Variants in ARID1B observed in about 807,000 individuals in gnomAD.
The protein encoded by ARID1B is AT-rich interactive domain-containing protein 1B.
Under a neutral mutation model 212.3 loss-of-function variants are expected in ARID1B, and 30 were observed. The ratio of observed to expected loss-of-function variants is 0.14; its 90% CI spans 0.11 to 0.19. ARID1B has a LOEUF of 0.19. ARID1B is among the 10% of genes least tolerant of loss of function. The pLI is 1.00. For synonymous variants in ARID1B, 1,402 were observed against 1,301.7 expected, an observed-to-expected ratio of 1.08 and a Z score of -1.66; for missense variants, 2,891 against 3,204.0, an observed-to-expected ratio of 0.90 and a Z score of 2.36.
In ARID1B at chr6:156,855,699, TTG is replaced by T. The variant is rs1301031110; in HGVS notation, c.1986+26288_1986+26289del. 2.0e-5 allele frequency among the ~76,000 whole-genome samples: 3 copies of T among 152,224 alleles called. No homozygotes were observed. In the East Asian group the frequency reaches 5.8e-4, roughly 29 times the overall value. ...TCATCATTTTGAATGGAGCCCTAAA[TTG>T]TGTGTGTGTTTCTCTGTCTTTGTGT... is the stretch of plus-strand genomic sequence containing the variant. On this transcript the variant is annotated intron_variant, in intron 2 of 19. Coordinates refer to ENST00000636930, the MANE Select transcript of ARID1B (RefSeq NM_001374828.1).
intron 2 of ARID1B, among the ~76,000 whole-genome samples, chr6:156,898,162 G>A (rs1788636444): frequency 6.6e-6 from 1 of 152,174 alleles, no homozygotes; most frequent in Non-Finnish European, 1.5e-5. Flanking sequence ...AGCAACTGCT[G>A]ACTAGCGCTC....
chr6:157,110,287 T>C (rs922560022), intron 5 of ARID1B, among the ~76,000 whole-genome samples, 185 bp from the exon 6 acceptor site: 2 of 152,250 alleles, frequency 1.3e-5, no homozygotes, highest in East Asian at 3.8e-4. Context: ...AATATGTTTA[T>C]TCATGTTTCC....
intron 4 of ARID1B, among the ~76,000 whole-genome samples, chr6:157,014,623 T>C (rs749309060): frequency 4.6e-5 from 7 of 152,190 alleles, no homozygotes; most frequent in Non-Finnish European, 8.8e-5. Flanking sequence ...TACTAGGCTT[T>C]ATAGATGTAT....
At chr6:157,043,685 T>G (rs1440259163) in intron 4 of ARID1B, among the ~76,000 whole-genome samples, 4 of 152,244 alleles carry the variant, frequency 2.6e-5, no homozygotes, top group Admixed American at 2.6e-4. Flanking sequence ...TGTGTTCTTC[T>G]GTATTCTGGG....
intron 6 of ARID1B, among the ~76,000 whole-genome samples, chr6:157,116,377 C>G (rs1787321470): frequency 6.6e-6 from 1 of 151,296 alleles, no homozygotes; most frequent in African/African-American, 2.4e-5. Context: ...TTTAATTTCA[C>G]AGTGGTGTCT....
chr6:157,043,094 T>C lies in ARID1B; in HGVS notation c.2248-41568T>C, dbSNP rs565626517. Among the ~76,000 whole-genome samples the C allele has an allele frequency of 1.4e-4, 22 of 152,358 alleles. No homozygotes were observed. In the South Asian group the frequency reaches 4.4e-3, roughly 30 times the overall value. ...GATGTTAAAGTAAATCCTACACTTG[T>C]ATTACTTTTTACCTGTATTTTGGTT... is the stretch of plus-strand genomic sequence containing the variant. On this transcript the variant is annotated intron_variant, in intron 4 of 19. Coordinates refer to ENST00000636930, the MANE Select transcript of ARID1B (RefSeq NM_001374828.1).
At chr6:156,821,106 A>G (rs1395576075) in intron 1 of ARID1B, among the ~76,000 whole-genome samples, 1 of 152,234 alleles carries the variant, frequency 6.6e-6, no homozygotes, top group Non-Finnish European at 1.5e-5. Flanking sequence ...GATCCAAATC[A>G]AGATTTGAAA....
At chr6:156,812,514 GTTTC>G (rs1466035043) in intron 1 of ARID1B, among the ~76,000 whole-genome samples, 1 of 151,938 alleles carries the variant, frequency 6.6e-6, no homozygotes, top group Non-Finnish European at 1.5e-5. Flanking sequence ...TACATCTTTT[GTTTC>G]TTCTGTTTCT....
At chr6:157,095,149 T>G (rs1471122191) in intron 5 of ARID1B, among the ~76,000 whole-genome samples, 1 of 152,168 alleles carries the variant, frequency 6.6e-6, no homozygotes, top group African/African-American at 2.4e-5. Context: ...TCAGTAGTTG[T>G]GGGGTGGAGC....
At chr6:157,143,906 A>T (rs183706615) in intron 7 of ARID1B, among the ~76,000 whole-genome samples, 4 of 152,278 alleles carry the variant, frequency 2.6e-5, no homozygotes, top group African/African-American at 9.6e-5. Context: ...GAATCAACCC[A>T]ACTGATTGGA....
intron 2 of ARID1B, among the ~76,000 whole-genome samples, chr6:156,890,035 A>C (rs1452724162): frequency 6.6e-6 from 1 of 152,232 alleles, no homozygotes; most frequent in African/African-American, 2.4e-5. Context: ...AAATTAATTT[A>C]AGAAGTGTAT....
Position 156,859,617 on chromosome 6 carries a change from A to G in ARID1B, c.1986+30196A>G, listed in dbSNP as rs141643867. Among the ~76,000 whole-genome samples, 53 of 152,366 alleles carry G rather than the reference A, an allele frequency of 3.5e-4. No individual in the cohort carries two copies. The East Asian group carries it at 5.8e-3, about 17-fold the overall frequency. On this transcript the variant is annotated intron_variant, in intron 2 of 19. Coordinates refer to ENST00000636930, the MANE Select transcript of ARID1B (RefSeq NM_001374828.1). ...AGTTGAATTATTTTATAATTTATACACCAGCCTTTTATACAGAGCAATGCT... is the reference window on the plus strand; with the variant it reads ...AGTTGAATTATTTTATAATTTATACGCCAGCCTTTTATACAGAGCAATGCT...
intron 5 of ARID1B, chr6:157,107,994 C>T (rs939172019): frequency 2.0e-5 from 3 of 152,146 alleles, no homozygotes; most frequent in Non-Finnish European, 4.4e-5. Flanking sequence ...TCATCATCTG[C>T]TGTGACGATG....
At chr6:156,926,201 A>G (rs1791204497) in intron 3 of ARID1B, among the ~76,000 whole-genome samples, 1 of 152,212 alleles carries the variant, frequency 6.6e-6, no homozygotes, top group Non-Finnish European at 1.5e-5. Flanking sequence ...AGATTGAACA[A>G]GGATCACTGA....
At chr6:157,049,034 C>T (rs960833788) in intron 4 of ARID1B, among the ~76,000 whole-genome samples, 23 of 152,114 alleles carry the variant, frequency 1.5e-4, no homozygotes, top group African/African-American at 4.6e-4. Flanking sequence ...ATCAGCCAGG[C>T]GTGGTGGTGG....
rs1226373127 is a variant in ARID1B, at chr6:156,779,041, C to T, written c.1361C>T (p.Pro454Leu). 2.4e-6 allele frequency: 3 copies of T among 1,226,990 alleles called. No homozygotes were observed. Among genetic ancestry groups the T allele is most frequent in the Admixed American group, 4.4e-5 (1 of 22,682 alleles). The allele number at this position is 1,226,990 out of a possible 1,614,324, so 76.0% of individuals were successfully genotyped here. The change falls in exon 1 of 20, where the codon CCC (proline) becomes CTC (leucine). Residue 454 changes from proline (P) to leucine (L), a missense_variant. Physicochemically the swap from Pro to Leu is moderately conservative, Grantham distance 98. Coordinates refer to ENST00000636930, the MANE Select transcript of ARID1B (RefSeq NM_001374828.1). ...GCGGGGTACGGGGTGCTGAGCTCCC[C>T]CCGGCAGCAGGGCGGCGGCATGATG... is the stretch of plus-strand genomic sequence containing the variant. ...SSAGYGVLSS[P>L]RQQGGGMMMG...
chr6:156,777,818 CGCGGCGGCGGCG>C lies in ARID1B; in HGVS notation c.147_158del (p.Ala50_Ala53del). On this transcript the variant is annotated inframe_deletion, in exon 1 of 20. Transcript: ENST00000636930. ...GGGACCTGGAGGCGGGGGCGCGCGG[CGCGGCGGCGGCG>C]GCGGCGGCACCGGGACCCATGCTGG... 9.9e-7 allele frequency: 1 copy of C among 1,011,750 alleles called. No individual in the cohort carries two copies. The allele number at this position is 1,011,750 out of a possible 1,614,324, so 62.7% of individuals were successfully genotyped here.
chr6:156,779,345 C>A lies in ARID1B; in HGVS notation c.1665C>A (p.Gly555=). 2 of 1,180,264 alleles carry A rather than the reference C, an allele frequency of 1.7e-6. No homozygotes were observed. The highest frequency in any genetic ancestry group is 2.1e-6 in the Non-Finnish European group (2 of 956,706). 73.1% of individuals were successfully genotyped at this position (1,180,264 alleles called of 1,614,324 possible). A position where few individuals can be genotyped will look rare whatever the true frequency, so the allele number is the denominator to read the frequency against. The change falls in exon 1 of 20, where the codon GGC becomes GGA. Residue 555 remains glycine (G), a synonymous_variant. Transcript: ENST00000636930. ...AAAGGQQAAA[G]MGLGKDMGAQ... ...CGGGCGGCCAGCAGGCGGCCGCGGG[C>A]ATGGGCTTGGGCAAGGACATGGGCG...
intron 4 of ARID1B, among the ~76,000 whole-genome samples, chr6:156,959,910 G>A (rs1794243543): frequency 6.7e-6 from 1 of 149,456 alleles, no homozygotes. Flanking sequence ...AGTATTGTCT[G>A]AAGATTGTCA....
Sources: allele counts gnomAD v4.1 joint callset (sites outside exome capture counted in the v4.1 genomes callset), GRCh38; gene constraint gnomAD v4.1.1; transcripts MANE v1.5; gene names NCBI Gene and HGNC (gene_info 2026-07-23, HGNC 2026-07-21).